TTC28: variants seen among roughly 807,000 people sequenced by gnomAD.
The protein encoded by TTC28 is tetratricopeptide repeat domain 28.
TTC28 carries 61 observed loss-of-function variants against 198.0 expected under a neutral mutation model. The ratio of observed to expected loss-of-function variants is 0.31; its 90% CI spans 0.25 to 0.38. TTC28 has a LOEUF of 0.38. TTC28 is among the 10% of genes least tolerant of loss of function. TTC28 has a pLI of 1.00. For missense variants in TTC28, 2,678 were observed against 3,164.0 expected, an observed-to-expected ratio of 0.85 and a Z score of 3.69; for synonymous variants, 1,171 against 1,297.8, an observed-to-expected ratio of 0.90 and a Z score of 2.10.
intron 2 of TTC28, among the ~76,000 whole-genome samples, chr22:28,353,541 A>G (rs1440689597): frequency 1.3e-5 from 2 of 152,230 alleles, no homozygotes; most frequent in Admixed American, 6.5e-5. Flanking sequence ...ATAAAGCCAC[A>G]CATATGGTCG....
chr22:28,366,172 C>T (rs1475919101), intron 2 of TTC28, among the ~76,000 whole-genome samples: 1 of 152,086 alleles, frequency 6.6e-6, no homozygotes. Flanking sequence ...AGAAACAAGG[C>T]CAAATTTCAA....
intron 10 of TTC28, 102 bp downstream of exon 10, chr22:28,098,813 T>A: frequency 1.4e-6 from 2 of 1,396,402 alleles, no homozygotes; most frequent in Non-Finnish European, 1.9e-6. Context: ...TCACAACAAA[T>A]CATATTTCTT....
At chr22:28,279,373 TTTTG>T (rs901085187) in intron 5 of TTC28, among the ~76,000 whole-genome samples, 40 of 151,832 alleles carry the variant, frequency 2.6e-4, no homozygotes, top group Non-Finnish European at 3.1e-4. Context: ...TTTGATGAGG[TTTTG>T]TTTGTTTTTT....
At chr22:28,628,006 A>G (rs1194280816) in intron 2 of TTC28, among the ~76,000 whole-genome samples, 63 of 152,038 alleles carry the variant, frequency 4.1e-4, no homozygotes, top group Non-Finnish European at 1.6e-4. Context: ...CCTGGGCTCA[A>G]GCAATCCTCT....
rs2050790482 is a variant in TTC28, at chr22:28,609,845, T to C, written c.381+19707A>G. Among the ~76,000 whole-genome samples, 3 of 152,278 alleles carry C rather than the reference T, an allele frequency of 2.0e-5. No homozygotes were observed. In the South Asian group the frequency reaches 6.2e-4, roughly 32 times the overall value. On this transcript the variant is annotated intron_variant, in intron 2 of 22. Coordinates refer to ENST00000397906, the MANE Select transcript of TTC28 (RefSeq NM_001145418.2). ...CAAGTTAAAATCTACTGACTTGAAA[T>C]TCTCACTGCCAGCACAGCAGTCTGA...
At chr22:28,654,555 T>C (rs2051614015) in intron 1 of TTC28, among the ~76,000 whole-genome samples, 1 of 152,330 alleles carries the variant, frequency 6.6e-6, no homozygotes, top group African/African-American at 2.4e-5. Context: ...CTCAAACTCC[T>C]GATCTCAGGT....
intron 2 of TTC28, among the ~76,000 whole-genome samples, chr22:28,359,308 G>C (rs188075530): frequency 9.9e-4 from 151 of 151,914 alleles, no homozygotes; most frequent in Non-Finnish European, 3.7e-4. Flanking sequence ...GAAAAAAATG[G>C]TTTGTTTGAC....
intron 5 of TTC28, among the ~76,000 whole-genome samples, chr22:28,287,311 T>C (rs1469841868): frequency 6.6e-6 from 1 of 152,156 alleles, no homozygotes. Context: ...AACTTCAATT[T>C]CTACCTCAAT....
chr22:27,982,620 G>A lies in TTC28; in HGVS notation c.7047C>T (p.Ala2349=). ...APDIDKLKMA[A]IDEKVQAVHN... is the part of the protein sequence containing the mutation. The stretch of plus-strand genomic sequence containing the variant: ...GGACAGCCTGCACCTTTTCATCAAT[G>A]GCTGCCATTTTCAGTTTGTCTATGT... Residue 2349 remains alanine (A), a synonymous_variant, in exon 23 of 23, where the codon GCC becomes GCT. Transcript: ENST00000397906. This position sits in a 1 kb window ranked among gnomAD's most constrained non-coding sequence, Gnocchi z 5.2. 1 of 1,551,744 alleles carries A rather than the reference G, an allele frequency of 6.4e-7. No individual in the cohort carries two copies. Among genetic ancestry groups the A allele is most frequent in the Admixed American group, 2.0e-5 (1 of 50,996 alleles).
intron 12 of TTC28, among the ~76,000 whole-genome samples, chr22:28,045,215 A>T (rs918326113): frequency 2.6e-5 from 4 of 152,172 alleles, no homozygotes; most frequent in African/African-American, 9.7e-5. Context: ...TGGGACCAGA[A>T]GCATTTTGAA....
chr22:28,483,013 A>C (rs1295497970), intron 2 of TTC28, among the ~76,000 whole-genome samples: 2 of 152,184 alleles, frequency 1.3e-5, no homozygotes, highest in East Asian at 3.9e-4. Flanking sequence ...CCTGTTGTGA[A>C]TAGTGTTACT....
At chr22:28,375,746 G>A (rs552864533) in intron 2 of TTC28, among the ~76,000 whole-genome samples, 2 of 152,272 alleles carry the variant, frequency 1.3e-5, no homozygotes, top group African/African-American at 4.8e-5. Context: ...GACTGAGTAG[G>A]GAAGATCTGC....
chr22:28,370,537 A>G (rs1172827125), intron 2 of TTC28, among the ~76,000 whole-genome samples: 1 of 152,298 alleles, frequency 6.6e-6, no homozygotes, highest in East Asian at 1.9e-4. Flanking sequence ...CATATTCTCC[A>G]TCTATGTGAA....
At chr22:28,362,471 C>T (rs1263288037) in intron 2 of TTC28, among the ~76,000 whole-genome samples, 2 of 152,134 alleles carry the variant, frequency 1.3e-5, no homozygotes, top group Admixed American at 1.3e-4. Context: ...AAATGGACTA[C>T]TGCAGTAAAT....
chr22:28,096,168 TTCCCACAGAAAGAGA>T lies in TTC28; in HGVS notation c.3766+7_3766+21del, dbSNP rs1410962772. 6.6e-7 allele frequency: 1 copy of T among 1,521,732 alleles called. No individual in the cohort carries two copies. The highest frequency in any genetic ancestry group is 8.8e-7 in the Non-Finnish European group (1 of 1,130,574). 94.3% of individuals were successfully genotyped at this position (1,521,732 alleles called of 1,614,324 possible). On this transcript the variant is annotated splice_region_variant and intron_variant, in intron 11 of 22. Transcript: ENST00000397906. ...CAGGTCTAGTCTTCTAATTGCCCTG[TTCCCACAGAAAGAGA>T]TCTTACCTGCCCCAGGAGCCAGCAG... is the stretch of plus-strand genomic sequence containing the variant.
chr22:28,257,363 A>G (rs1206692405), intron 5 of TTC28, among the ~76,000 whole-genome samples: 1 of 152,196 alleles, frequency 6.6e-6, no homozygotes, highest in Non-Finnish European at 1.5e-5. Context: ...GCATCCATCA[A>G]TGGATAATGA....
chr22:28,601,553 T>C (rs182451578), intron 2 of TTC28, among the ~76,000 whole-genome samples: 1 of 152,182 alleles, frequency 6.6e-6, no homozygotes, highest in Non-Finnish European at 1.5e-5. Context: ...TTAAAGTTTG[T>C]GGGAAGACAG....
chr22:28,020,384 C>T (rs1938543052), intron 13 of TTC28, among the ~76,000 whole-genome samples: 2 of 152,230 alleles, frequency 1.3e-5, no homozygotes, highest in Admixed American at 1.3e-4. Flanking sequence ...CCAAAGCACA[C>T]AGTCTGTGTG....
At chr22:28,088,015 A>T in intron 12 of TTC28, among the ~76,000 whole-genome samples, 1 of 152,186 alleles carries the variant, frequency 6.6e-6, no homozygotes, top group Admixed American at 6.5e-5. Context: ...ATAAAAGAGG[A>T]TACAAACAAA....
Sources: gnomAD v4.1 joint callset for allele counts (sites outside exome capture counted in the v4.1 genomes callset) on GRCh38, gnomAD v4.1.1 for gene constraint, Gnocchi (gnomAD v3.1) non-coding constraint, MANE v1.5 for transcripts, NCBI Gene and HGNC (gene_info 2026-07-23, HGNC 2026-07-21) for gene names.